The following COL23A1 variants were observed in gnomAD, a reference collection of about 807,000 sequenced individuals.
The protein encoded by COL23A1 is collagen type XXIII alpha 1 chain.
Under a neutral mutation model 99.3 loss-of-function variants are expected in COL23A1, and 97 were observed. That is an observed-to-expected ratio of 0.98 (90% CI 0.83 to 1.16). The LOEUF (loss-of-function observed/expected upper bound fraction) is 1.16. Among genes scored for constraint, COL23A1 ranks in the 50% most tolerant of loss-of-function variants. COL23A1 has a pLI of 0.00. For missense variants in COL23A1, 762 were observed against 757.4 expected (o/e 1.01, Z -0.07); for synonymous variants, 320 against 308.2 (o/e 1.04, Z -0.40).
chr5:178,311,064 C>A (rs771036882), intron 2 of COL23A1, among the ~76,000 whole-genome samples: 4 of 152,020 alleles, frequency 2.6e-5, no homozygotes, highest in African/African-American at 4.8e-5. Context: ...TGGGAGAAGG[C>A]CACTGTCCCC....
At chr5:178,512,872 TC>T (rs1302720363) in intron 2 of COL23A1, among the ~76,000 whole-genome samples, 1 of 152,160 alleles carries the variant, frequency 6.6e-6, no homozygotes, top group South Asian at 2.1e-4. Context: ...AGCACATGCA[TC>T]TTTTCATCCA....
At chr5:178,329,713 C>T (rs1033901559) in intron 2 of COL23A1, among the ~76,000 whole-genome samples, 10 of 152,158 alleles carry the variant, frequency 6.6e-5, no homozygotes, top group East Asian at 5.8e-4. Context: ...CCGAGGCAGG[C>T]GGATCATGAG....
In COL23A1 at chr5:178,325,930, C is replaced by T. The variant is rs140776985; in HGVS notation, c.362-19011G>A. On this transcript the variant is annotated intron_variant, in intron 2 of 28. Coordinates refer to ENST00000390654, the MANE Select transcript of COL23A1 (RefSeq NM_173465.4). ...AGTCTGTCCACTGCGGTGGGAAATG[C>T]CAGTTTATGAACCAAGGGTGAGCCG... is the stretch of plus-strand genomic sequence containing the variant. 2.8e-4 allele frequency among the ~76,000 whole-genome samples: 43 copies of T among 152,252 alleles called. No homozygotes were observed. In the East Asian group the frequency reaches 6.8e-3, roughly 24 times the overall value.
chr5:178,526,655 A>G (rs1760326844), intron 2 of COL23A1, among the ~76,000 whole-genome samples: 1 of 152,022 alleles, frequency 6.6e-6, no homozygotes, highest in African/African-American at 2.4e-5. Flanking sequence ...GGGGGAAGAG[A>G]GGGGCTAGCG....
intron 2 of COL23A1, among the ~76,000 whole-genome samples, chr5:178,391,152 A>G (rs1312268266): frequency 6.6e-6 from 1 of 152,244 alleles, no homozygotes; most frequent in Non-Finnish European, 1.5e-5. Context: ...CAAGGCATCC[A>G]GGCTGTGCAC....
At chr5:178,350,296 C>T (rs542356845) in intron 2 of COL23A1, among the ~76,000 whole-genome samples, 115 of 152,308 alleles carry the variant, frequency 7.6e-4, no homozygotes, top group African/African-American at 2.4e-3. Flanking sequence ...CAGTCCTTTG[C>T]GCTTGGATAT....
chr5:178,499,021 C>T (rs1301679501), intron 2 of COL23A1, among the ~76,000 whole-genome samples: 5 of 152,006 alleles, frequency 3.3e-5, no homozygotes, highest in African/African-American at 4.8e-5. Flanking sequence ...ACCTGGGAGG[C>T]GGAGGTTGCA....
At position 178,468,739 on chromosome 5, in the gene COL23A1, A is replaced by G. The variant is rs544148999; in HGVS notation, c.361+91943T>C. On this transcript the variant is annotated intron_variant, in intron 2 of 28. Coordinates refer to ENST00000390654, the MANE Select transcript of COL23A1 (RefSeq NM_173465.4). This position sits in a 1 kb window ranked among gnomAD's most constrained non-coding sequence, Gnocchi z 4.2. Reference sequence around the variant, plus strand: ...AAATTCCCAACTTTTCAAATTAAAAAAAGTATTGTGGTAAAATATGCATAA... The same window carrying G: ...AAATTCCCAACTTTTCAAATTAAAAGAAGTATTGTGGTAAAATATGCATAA... 3.3e-5 allele frequency among the ~76,000 whole-genome samples: 5 copies of G among 152,344 alleles called. No homozygotes were observed. The highest frequency in any genetic ancestry group is 1.2e-4 in the African/African-American group (5 of 41,586).
chr5:178,492,578 A>G (rs1315321948), intron 2 of COL23A1, among the ~76,000 whole-genome samples: 3 of 151,994 alleles, frequency 2.0e-5, no homozygotes, highest in African/African-American at 7.3e-5. Context: ...AATCCAGGCC[A>G]TACAAAGGAA....
chr5:178,417,600 A>T (rs1765383405), intron 2 of COL23A1, among the ~76,000 whole-genome samples: 1 of 152,194 alleles, frequency 6.6e-6, no homozygotes, highest in African/African-American at 2.4e-5. Context: ...GATCCATATC[A>T]GACGGAAATC....
In COL23A1 at chr5:178,384,810, G is replaced by A. The variant is rs1763582156; in HGVS notation, c.362-77891C>T. ...ACAGCCTGGGGCTTGGAGTCCCCCT[G>A]AGGGAAATGGCTGTGCCTTTTCCTA... On this transcript the variant is annotated intron_variant, in intron 2 of 28. Coordinates refer to ENST00000390654, the MANE Select transcript of COL23A1 (RefSeq NM_173465.4). This position sits in a 1 kb window ranked among gnomAD's most constrained non-coding sequence, Gnocchi z 5.5. Among the ~76,000 whole-genome samples the A allele has an allele frequency of 1.3e-5, 2 of 152,220 alleles. No homozygotes were observed. The highest frequency in any genetic ancestry group is 2.9e-5 in the Non-Finnish European group (2 of 68,032).
chr5:178,247,905 C>A, intron 20 of COL23A1, 74 bp from the exon 21 acceptor site: 1 of 1,329,432 alleles, frequency 7.5e-7, no homozygotes, highest in South Asian at 1.3e-5. Flanking sequence ...GCTCATCGCA[C>A]ACTGCTGGAT....
chr5:178,260,959 G>C (rs948307963), intron 11 of COL23A1, among the ~76,000 whole-genome samples: 32 of 152,024 alleles, frequency 2.1e-4, no homozygotes, highest in African/African-American at 7.5e-4. Flanking sequence ...CACAGCAAGA[G>C]TGAACCCTAA....
intron 1 of COL23A1, chr5:178,562,196 C>G (rs924798047): frequency 4.8e-6 from 2 of 420,368 alleles, no homozygotes; most frequent in Non-Finnish European, 9.6e-6. Context: ...GAGCCGAGAT[C>G]GCGACACCGC....
At position 178,281,741 on chromosome 5, in the gene COL23A1, T is replaced by G. The variant is rs1047746087; in HGVS notation, c.441+6583A>C. ...AATAATTAATTGATTGATTTAAAAT[T>G]TTATTTTTTAAAACAGACGGGGATT... On this transcript the variant is annotated intron_variant, in intron 5 of 28. Coordinates refer to ENST00000390654, the MANE Select transcript of COL23A1 (RefSeq NM_173465.4). This position sits in a 1 kb window ranked among gnomAD's most constrained non-coding sequence, Gnocchi z 4.0. 2.0e-5 allele frequency among the ~76,000 whole-genome samples: 3 copies of G among 152,174 alleles called. No individual in the cohort carries two copies. The highest frequency in any genetic ancestry group is 7.2e-5 in the African/African-American group (3 of 41,422).
rs1562025680 is a variant in COL23A1 at position 178,498,246 on chromosome 5, AT to A, written c.361+62435del. On this transcript the variant is annotated intron_variant, in intron 2 of 28. Transcript: ENST00000390654. ...TATATATATATATATATATATATAT[AT>A]ATATATATATAAAAGAACTTAAAAA... Among the ~76,000 whole-genome samples the A allele has an allele frequency of 4.9e-4, 35 of 71,664 alleles. 1 individual carries two copies. The highest frequency in any genetic ancestry group is 2.8e-3 in the African/African-American group (32 of 11,564). The allele number at this position is 71,664 out of a possible 152,430, so 47.0% of individuals were successfully genotyped here. A position where few individuals can be genotyped will look rare whatever the true frequency, so the allele number is the denominator to read the frequency against.
intron 2 of COL23A1, among the ~76,000 whole-genome samples, chr5:178,405,415 T>C (rs974943099): frequency 6.6e-5 from 10 of 152,258 alleles, no homozygotes; most frequent in African/African-American, 2.4e-4. Flanking sequence ...TTTAGGAGAT[T>C]GTAAATCTCC....
intron 2 of COL23A1, among the ~76,000 whole-genome samples, chr5:178,358,671 A>ATG (rs58325319): frequency 1.9e-4 from 27 of 144,892 alleles, no homozygotes; most frequent in Middle Eastern, 4.0e-3. Context: ...TATGTGTCTA[A>ATG]TGTGTATGTG....
Position 178,307,619 on chromosome 5 carries a change from G to A in COL23A1, c.362-700C>T, listed in dbSNP as rs1273319381. 6.6e-6 allele frequency among the ~76,000 whole-genome samples: 1 copy of A among 152,188 alleles called. No homozygotes were observed. Among genetic ancestry groups the A allele is most frequent in the African/African-American group, 2.4e-5 (1 of 41,448 alleles). Reference sequence around the variant, plus strand: ...CTGCCCACATCAGACCCTGAGACCAGAGTAACCTCAGCGCTGAAGGAGACG... The same window carrying A: ...CTGCCCACATCAGACCCTGAGACCAAAGTAACCTCAGCGCTGAAGGAGACG... On this transcript the variant is annotated intron_variant, in intron 2 of 28. Transcript: ENST00000390654. The surrounding 1 kb of genome is among the most constrained non-coding windows in gnomAD (Gnocchi z 4.2).
Sources: gnomAD v4.1 joint callset for allele counts (sites outside exome capture counted in the v4.1 genomes callset) on GRCh38, gnomAD v4.1.1 for gene constraint, Gnocchi (gnomAD v3.1) non-coding constraint, MANE v1.5 for transcripts, NCBI Gene and HGNC (gene_info 2026-07-23, HGNC 2026-07-21) for gene names.